CWC25: variants seen among roughly 807,000 people sequenced by gnomAD.
CWC25 encodes pre-mRNA-splicing factor CWC25 homolog.
Under a neutral mutation model 54.6 loss-of-function variants are expected in CWC25, and 31 were observed. The observed-to-expected ratio is 0.57, with a 90% CI of 0.43 to 0.77. The LOEUF (loss-of-function observed/expected upper bound fraction) is 0.77, where lower values mean the gene tolerates loss of function less well. Ranked by LOEUF, CWC25 falls within the 30% of genes least tolerant of loss-of-function variation. The probability of loss-of-function intolerance (pLI) is 0.00; values close to 1 mark genes in which losing one functional copy is unlikely to be tolerated. For missense variants in CWC25, 453 were observed against 529.3 expected, an observed-to-expected ratio of 0.86 and a Z score of 1.41; for synonymous variants, 151 against 187.0, an observed-to-expected ratio of 0.81 and a Z score of 1.57.
intron 5 of CWC25, 157 bp from the exon 6 acceptor site, chr17:38,809,922 C>T (rs949404885): frequency 2.1e-5 from 13 of 628,814 alleles, no homozygotes; most frequent in East Asian, 8.9e-5. Flanking sequence ...CTGTCTATGC[C>T]GAAAAATGCA....
intron 2 of CWC25, among the ~76,000 whole-genome samples, chr17:38,817,054 T>C (rs530851750): frequency 1.1e-3 from 166 of 150,932 alleles, no homozygotes; most frequent in African/African-American, 4.0e-3. Flanking sequence ...AGTTAAGAAC[T>C]GATCAGCTGG....
At chr17:38,806,428 GC>G (rs1567670154) in intron 7 of CWC25, 33 bp from the exon 8 acceptor site, 1 of 1,577,550 alleles carries the variant, frequency 6.3e-7, no homozygotes, top group Non-Finnish European at 8.7e-7. Context: ...AGAGGAAAAA[GC>G]CTTTTTGGTC....
intron 6 of CWC25, 67 bp from the exon 7 acceptor site, chr17:38,807,043 C>CG: frequency 7.6e-7 from 1 of 1,323,008 alleles, no homozygotes; most frequent in Non-Finnish European, 1.1e-6. Context: ...AAAACGCGGC[C>CG]GGGCTCAGTG....
intron 1 of CWC25, among the ~76,000 whole-genome samples, chr17:38,822,734 G>C (rs891043083): frequency 1.9e-4 from 29 of 152,274 alleles, no homozygotes; most frequent in African/African-American, 7.0e-4. Context: ...TGTGGCTGGA[G>C]ATGTGGCAAG....
At chr17:38,809,557 A>G (rs992121249) in intron 6 of CWC25, 145 bp downstream of exon 6, 18 of 633,206 alleles carry the variant, frequency 2.8e-5, no homozygotes, top group Admixed American at 6.3e-5. Flanking sequence ...GAGGGTCATC[A>G]GCCACAAGAA....
intron 4 of CWC25, 87 bp from the exon 5 acceptor site, chr17:38,810,682 G>C: frequency 1.4e-6 from 1 of 737,508 alleles, no homozygotes; most frequent in Non-Finnish European, 2.4e-6. Flanking sequence ...CACTTTGGGA[G>C]GCTGAGTGGA....
intron 2 of CWC25, among the ~76,000 whole-genome samples, chr17:38,817,229 A>C (rs1315900581): frequency 2.7e-5 from 4 of 150,688 alleles, no homozygotes; most frequent in Non-Finnish European, 5.9e-5. Context: ...AGTCCCAGCT[A>C]CTCGGGAGGC....
intron 2 of CWC25, among the ~76,000 whole-genome samples, chr17:38,816,588 A>G (rs546652501): frequency 8.7e-4 from 132 of 151,742 alleles, no homozygotes; most frequent in Middle Eastern, 3.4e-3. Flanking sequence ...CTTGTTTTTG[A>G]GGTTATATAA....
At chr17:38,807,098 G>A in intron 6 of CWC25, 122 bp from the exon 7 acceptor site, 1 of 666,470 alleles carries the variant, frequency 1.5e-6, no homozygotes. Flanking sequence ...GAGGCGGGGG[G>A]GATCACCTGA....
At chr17:38,820,611 T>G (rs900966518) in intron 2 of CWC25, among the ~76,000 whole-genome samples, 3 of 152,206 alleles carry the variant, frequency 2.0e-5, no homozygotes, top group African/African-American at 7.2e-5. Context: ...AGCCATCTAC[T>G]GTGAGCTCGG....
intron 3 of CWC25, among the ~76,000 whole-genome samples, chr17:38,814,034 TG>T (rs1333057404): frequency 1.3e-5 from 2 of 151,550 alleles, no homozygotes; most frequent in Non-Finnish European, 2.9e-5. Flanking sequence ...GCTAATTTTT[TG>T]TATTTTTAGT....
rs367631531 is a variant in CWC25 at position 38,806,308 on chromosome 17, G to T, written c.990C>A (p.Pro330=). The T allele has an allele frequency of 6.2e-7, 1 of 1,611,464 alleles. No homozygotes were observed. Residue 330 remains proline (P), a synonymous_variant, in exon 8 of 10, where the codon CCC becomes CCA. Coordinates refer to ENST00000614790, the MANE Select transcript of CWC25 (RefSeq NM_017748.5). ...KKEVYQRRHA[P]GYTRKLSAEE... ...GGCTCCTGACTCACCTGGTGTATCC[G>T]GGAGCATGTCGCCTTTGGTAGACCT...
chr17:38,811,663 G>C (rs994146022), intron 4 of CWC25, among the ~76,000 whole-genome samples: 1 of 152,092 alleles, frequency 6.6e-6, no homozygotes, highest in Non-Finnish European at 1.5e-5. Flanking sequence ...ACATTATAGG[G>C]GTTCCCTGTC....
chr17:38,802,893 T>G (rs764631709), intron 8 of CWC25, 32 bp from the exon 9 acceptor site: 22 of 1,611,212 alleles, frequency 1.4e-5, no homozygotes, highest in Admixed American at 6.7e-5. Flanking sequence ...CGATCAGGTC[T>G]CTTCCAGCAA....
At chr17:38,810,329 G>C (rs1196548212) in intron 5 of CWC25, 139 bp downstream of exon 5, 1 of 856,876 alleles carries the variant, frequency 1.2e-6, no homozygotes. Flanking sequence ...GTGGGCACTG[G>C]GCCCATGTTC....
intron 2 of CWC25, chr17:38,815,533 C>A (rs181912792): frequency 1.4e-5 from 8 of 579,054 alleles, no homozygotes; most frequent in African/African-American, 7.6e-5. Flanking sequence ...GCCTGGGTGA[C>A]GGAGCCAGAC....
intron 2 of CWC25, among the ~76,000 whole-genome samples, chr17:38,818,062 G>A (rs1911773767): frequency 6.6e-6 from 1 of 151,038 alleles, no homozygotes; most frequent in African/African-American, 2.4e-5. Context: ...CAGATCACAA[G>A]GTCAGGAGTT....
At chr17:38,819,981 C>G (rs1911857791) in intron 2 of CWC25, among the ~76,000 whole-genome samples, 1 of 151,568 alleles carries the variant, frequency 6.6e-6, no homozygotes, top group Admixed American at 6.6e-5. Flanking sequence ...TAATTTTTTT[C>G]TATTGTTTTG....
rs1347400031 is a variant in CWC25, at chr17:38,810,562, T to C, written c.532A>G (p.Lys178Glu). The C allele has an allele frequency of 2.6e-6, 4 of 1,559,324 alleles. No individual in the cohort carries two copies. Among genetic ancestry groups the C allele is most frequent in the Non-Finnish European group, 3.5e-6 (4 of 1,144,314 alleles). ...QMSLEKKEKKKKKEKKKKHKK... is the reference protein window; with the variant it reads ...QMSLEKKEKKEKKEKKKKHKK... ...TGCTTCTTTTTCTTCTCCTTCTTTTTCTTCTTCTCCTTTTTTTCCAGACTC... is the reference window on the plus strand; with the variant it reads ...TGCTTCTTTTTCTTCTCCTTCTTTTCCTTCTTCTCCTTTTTTTCCAGACTC... Residue 178 changes from lysine (K) to glutamate (E), a missense_variant, in exon 5 of 10, where the codon AAA becomes GAA. By Grantham distance (56) the Lys-to-Glu change is moderately conservative. Around this residue, in one of 2 missense-constraint regions of CWC25, gnomAD observed 444 missense variants for 499.2 expected, o/e 0.89. Coordinates refer to ENST00000614790, the MANE Select transcript of CWC25 (RefSeq NM_017748.5).
Sources: gnomAD v4.1 joint callset for allele counts (sites outside exome capture counted in the v4.1 genomes callset) on GRCh38, gnomAD v4.1.1 for gene constraint, gnomAD v4.1.1 regional missense constraint, MANE v1.5 for transcripts, NCBI Gene and HGNC (gene_info 2026-07-23, HGNC 2026-07-21) for gene names.